The following CBFA2T2 variants were observed in gnomAD, a reference collection of about 807,000 sequenced individuals.
CBFA2T2 encodes the protein CBFA2/RUNX1 partner transcriptional co-repressor 2, also known as protein CBFA2T2.
In CBFA2T2, 11 loss-of-function variants were observed where a neutral mutation model predicts 62.2. That is an observed-to-expected ratio of 0.18 (90% CI 0.11 to 0.29). The LOEUF is 0.29. Ranked by LOEUF, CBFA2T2 falls within the 10% of genes least tolerant of loss-of-function variation. CBFA2T2 has a pLI of 1.00. For missense variants in CBFA2T2, 592 were observed against 774.1 expected (o/e 0.76, Z 2.79); for synonymous variants, 295 against 287.5 (o/e 1.03, Z -0.27).
At chr20:33,627,115 C>T (rs974533900) in intron 6 of CBFA2T2, among the ~76,000 whole-genome samples, 3 of 151,920 alleles carry the variant, frequency 2.0e-5, no homozygotes, top group Non-Finnish European at 2.9e-5. Flanking sequence ...TGCTTGCGGG[C>T]GGTCTGGCGT....
intron 1 of CBFA2T2, among the ~76,000 whole-genome samples, chr20:33,584,576 G>C (rs188560728): frequency 1.3e-5 from 2 of 152,196 alleles, no homozygotes; most frequent in East Asian, 3.9e-4. Flanking sequence ...ATTTTTAAGA[G>C]TTTAAGATTT....
Position 33,600,403 on chromosome 20 carries a change from G to A in CBFA2T2, c.35-6553G>A, listed in dbSNP as rs533097905. 467 of 338,898 alleles carry A rather than the reference G, an allele frequency of 1.4e-3. 7 individuals are homozygous for A. The highest frequency in any genetic ancestry group is 8.3e-3 in the South Asian group (393 of 47,278). The allele number at this position is 338,898 out of a possible 1,614,324, so 21.0% of individuals were successfully genotyped here. Reference sequence around the variant, plus strand: ...GGGTTTCACCATGTTGGCCAGGCTCGTCTTGAACTCCTGACCTCAGGTGAT... The same window carrying A: ...GGGTTTCACCATGTTGGCCAGGCTCATCTTGAACTCCTGACCTCAGGTGAT... On this transcript the variant is annotated intron_variant, in intron 1 of 10. Transcript: ENST00000342704.
At chr20:33,612,875 CAGG>C (rs915569060) in intron 3 of CBFA2T2, among the ~76,000 whole-genome samples, 16 of 152,172 alleles carry the variant, frequency 1.1e-4, no homozygotes, top group African/African-American at 3.9e-4. Flanking sequence ...TGCTTGGATG[CAGG>C]AGTTCAAGAC....
chr20:33,638,364 GT>G (rs1289007723), intron 9 of CBFA2T2, among the ~76,000 whole-genome samples: 2 of 152,194 alleles, frequency 1.3e-5, no homozygotes, highest in Non-Finnish European at 2.9e-5. Flanking sequence ...CAACTTTGGT[GT>G]TGGGCCAGCT....
At chr20:33,621,505 A>G (rs566969377) in intron 4 of CBFA2T2, among the ~76,000 whole-genome samples, 1 of 151,676 alleles carries the variant, frequency 6.6e-6, no homozygotes, top group East Asian at 2.0e-4. Context: ...TAGCGACCAT[A>G]TTGTCCAGGC....
intron 9 of CBFA2T2, among the ~76,000 whole-genome samples, chr20:33,637,747 A>G (rs2016680570): frequency 1.3e-5 from 2 of 149,512 alleles, no homozygotes; most frequent in African/African-American, 4.9e-5. Flanking sequence ...GGCTCACTGC[A>G]ACTTCCGCCT....
chr20:33,606,886 A>T, intron 1 of CBFA2T2, 70 bp from the exon 2 acceptor site: 1 of 1,484,994 alleles, frequency 6.7e-7, no homozygotes, highest in Non-Finnish European at 9.3e-7. Flanking sequence ...GTATGTTGGT[A>T]TTTCAAATTG....
chr20:33,598,144 A>T (rs182571928), intron 1 of CBFA2T2, among the ~76,000 whole-genome samples: 95 of 152,308 alleles, frequency 6.2e-4, no homozygotes, highest in Middle Eastern at 3.4e-3. Context: ...GGACCACAGG[A>T]CCAGGCAAAA....
intron 1 of CBFA2T2, among the ~76,000 whole-genome samples, chr20:33,569,833 G>T (rs921100876): frequency 6.6e-6 from 1 of 152,104 alleles, no homozygotes; most frequent in Admixed American, 6.5e-5. Flanking sequence ...GGAACATAGG[G>T]CCATTTCTGT....
At chr20:33,536,301 G>A (rs2012229796) in intron 1 of CBFA2T2, among the ~76,000 whole-genome samples, 1 of 141,968 alleles carries the variant, frequency 7.0e-6, no homozygotes, top group African/African-American at 2.6e-5. Context: ...GCGGGGGGCT[G>A]ACCCCCCCCA....
At chr20:33,492,309 A>G (rs6059349) in intron 1 of CBFA2T2, among the ~76,000 whole-genome samples, 135,628 of 151,688 alleles carry the variant, frequency 0.89, 61,321 homozygotes, top group Non-Finnish European at 0.97. Context: ...GTGAGTCACC[A>G]AGCCTGACCA....
chr20:33,504,555 C>T (rs558213497), intron 1 of CBFA2T2, among the ~76,000 whole-genome samples: 16 of 151,860 alleles, frequency 1.1e-4, no homozygotes, highest in South Asian at 8.3e-4. Flanking sequence ...AGGTGTGCAC[C>T]GCCACGCTTG....
At chr20:33,573,414 A>T (rs2013659395) in intron 1 of CBFA2T2, among the ~76,000 whole-genome samples, 1 of 151,994 alleles carries the variant, frequency 6.6e-6, no homozygotes, top group Non-Finnish European at 1.5e-5. Context: ...GAGATGATGG[A>T]TGTAAGTGTT....
chr20:33,496,659 A>G (rs920612048), intron 1 of CBFA2T2, among the ~76,000 whole-genome samples: 2 of 152,204 alleles, frequency 1.3e-5, no homozygotes, highest in Non-Finnish European at 1.5e-5. Context: ...GTGCATTACT[A>G]TTTAAAAGGG....
In CBFA2T2 at chr20:33,508,758, ATCT is replaced by A. The variant is rs986920353; in HGVS notation, c.34+18462_34+18464del. On this transcript the variant is annotated intron_variant, in intron 1 of 10. Transcript: ENST00000342704. ...CCATGTCCCTGCTGCAAAGGACATG[ATCT>A]TCTTTTTTATGGCTGCATTTATAAG... Among the ~76,000 whole-genome samples, 241 of 152,258 alleles carry A rather than the reference ATCT, an allele frequency of 1.6e-3. 1 individual carries two copies. The highest frequency in any genetic ancestry group is 5.2e-3 in the African/African-American group (218 of 41,554).
At chr20:33,627,397 G>C (rs193098685) in intron 6 of CBFA2T2, among the ~76,000 whole-genome samples, 39 of 151,808 alleles carry the variant, frequency 2.6e-4, no homozygotes, top group Non-Finnish European at 3.8e-4. Flanking sequence ...CTCCGTCAAG[G>C]GGGGGGAAAA....
At chr20:33,586,626 A>G (rs2014382972) in intron 1 of CBFA2T2, among the ~76,000 whole-genome samples, 1 of 152,184 alleles carries the variant, frequency 6.6e-6, no homozygotes, top group African/African-American at 2.4e-5. Context: ...AAAAATTTTA[A>G]GATTGCTTCA....
intron 3 of CBFA2T2, among the ~76,000 whole-genome samples, chr20:33,614,973 C>T (rs9679764): frequency 0.14 from 21,594 of 152,166 alleles, 1,996 homozygotes; most frequent in East Asian, 0.39. Context: ...CTTTTTTGTA[C>T]AGAACCATTA....
intron 1 of CBFA2T2, among the ~76,000 whole-genome samples, chr20:33,507,285 TC>T (rs1454433659): frequency 3.9e-5 from 6 of 152,156 alleles, no homozygotes; most frequent in African/African-American, 1.4e-4. Flanking sequence ...GACTATGTAG[TC>T]CAGTAAGGGA....
Sources: gnomAD v4.1 joint callset for allele counts (sites outside exome capture counted in the v4.1 genomes callset) on GRCh38, gnomAD v4.1.1 for gene constraint, MANE v1.5 for transcripts, NCBI Gene and HGNC (gene_info 2026-07-23, HGNC 2026-07-21) for gene names.